The following ZC3H18 variants were observed in gnomAD, a reference collection of about 807,000 sequenced individuals.
ZC3H18 encodes zinc finger CCCH-type containing 18, also known as zinc finger CCCH domain-containing protein 18.
Under a neutral mutation model 106.1 loss-of-function variants are expected in ZC3H18, and 8 were observed. That is an observed-to-expected ratio of 0.08 (90% CI 0.04 to 0.14). The LOEUF (loss-of-function observed/expected upper bound fraction) is 0.14, where lower values mean the gene tolerates loss of function less well. Among genes scored for constraint, ZC3H18 ranks in the 10% least tolerant of loss-of-function variants. The pLI, the probability that ZC3H18 is intolerant of heterozygous loss-of-function variation, is 1.00. For synonymous variants in ZC3H18, 635 were observed against 522.1 expected (o/e 1.22, Z -2.95); for missense variants, 1,318 against 1,278.4 (o/e 1.03, Z -0.47).
Position 88,627,497 on chromosome 16 carries a change from AT to A in ZC3H18, c.2109-124del. The A allele has an allele frequency of 7.4e-7, 1 of 1,354,670 alleles. No individual in the cohort carries two copies. Among genetic ancestry groups the A allele is most frequent in the Non-Finnish European group, 1.0e-6 (1 of 1,001,756 alleles). 83.9% of individuals were successfully genotyped at this position (1,354,670 alleles called of 1,614,324 possible). A position where few individuals can be genotyped will look rare whatever the true frequency, so the allele number is the denominator to read the frequency against. On this transcript the variant is annotated intron_variant, in intron 13 of 17. Transcript: ENST00000301011. This position sits in a 1 kb window ranked among gnomAD's most constrained non-coding sequence, Gnocchi z 4.5. ...TGAAACTGCCCAGTGTCCCCCCAAA[AT>A]CACACATTCCGTGGGTACATGATCC... is the stretch of plus-strand genomic sequence containing the variant.
intron 8 of ZC3H18, among the ~76,000 whole-genome samples, chr16:88,620,463 C>G (rs901597035): frequency 2.1e-4 from 32 of 152,152 alleles, no homozygotes; most frequent in African/African-American, 6.5e-4. Flanking sequence ...CACCTGCAGT[C>G]CTGGCTACTC....
chr16:88,616,594 T>C (rs1173309731), intron 8 of ZC3H18, among the ~76,000 whole-genome samples: 1 of 152,176 alleles, frequency 6.6e-6, no homozygotes, highest in Non-Finnish European at 1.5e-5. Flanking sequence ...TGCTTCCTTC[T>C]CCCTTATCAG....
Position 88,627,617 on chromosome 16 carries a change from T to C in ZC3H18, c.2109-5T>C, listed in dbSNP as rs1443673118. ...GGGTGTGGTGAGATGTGCTTGTGTG[T>C]CCAGGTCCCTGAGCGTGAGCAGCGT... On this transcript the variant is annotated splice_region_variant and splice_polypyrimidine_tract_variant and intron_variant, in intron 13 of 17. Coordinates refer to ENST00000301011, the MANE Select transcript of ZC3H18 (RefSeq NM_144604.4). The surrounding 1 kb of genome is among the most constrained non-coding windows in gnomAD (Gnocchi z 4.5). 1 of 1,598,122 alleles carries C rather than the reference T, an allele frequency of 6.3e-7. No individual in the cohort carries two copies. The highest frequency in any genetic ancestry group is 8.6e-7 in the Non-Finnish European group (1 of 1,167,988).
intron 3 of ZC3H18, among the ~76,000 whole-genome samples, chr16:88,588,405 G>A (rs552312430): frequency 6.6e-6 from 1 of 152,352 alleles, no homozygotes; most frequent in South Asian, 2.1e-4. Flanking sequence ...CCAGGGCAGG[G>A]AGACTCTGGA....
At chr16:88,624,200 A>C (rs55976122) in intron 11 of ZC3H18, 138 bp downstream of exon 11, 95,516 of 1,233,964 alleles carry the variant, frequency 0.077, 4,279 homozygotes, top group African/African-American at 0.14. Context: ...CCAGGGGGTG[A>C]CTGGGCTGGG....
At chr16:88,579,639 G>A (rs1329704767) in intron 2 of ZC3H18, among the ~76,000 whole-genome samples, 14 of 152,156 alleles carry the variant, frequency 9.2e-5, no homozygotes, top group Non-Finnish European at 2.1e-4. Flanking sequence ...ACAGCACATG[G>A]AAGAAAAACC....
At chr16:88,620,520 G>C (rs1905889795) in intron 8 of ZC3H18, among the ~76,000 whole-genome samples, 1 of 151,660 alleles carries the variant, frequency 6.6e-6, no homozygotes, top group African/African-American at 2.4e-5. Context: ...GCTCAAGGCT[G>C]CAGTGATTAT....
Position 88,599,796 on chromosome 16 carries a change from A to T in ZC3H18, c.936A>T (p.Leu312Phe). The change falls in exon 6 of 18, where the codon TTA (leucine) becomes TTT (phenylalanine). Residue 312 changes from leucine to phenylalanine, a missense_variant. By Grantham distance (22) the Leu-to-Phe change is conservative. Coordinates refer to ENST00000301011, the MANE Select transcript of ZC3H18 (RefSeq NM_144604.4). ...CTTTCTTCTTACAATGGTAGGTTTTAAAAAAAGCAACTATTCGAAAAGAAC... is the reference window on the plus strand; with the variant it reads ...CTTTCTTCTTACAATGGTAGGTTTTTAAAAAAGCAACTATTCGAAAAGAAC... ...ERGLRHAKEV[L>F]KKATIRKEQE... is the part of the protein sequence containing the mutation. 1.9e-6 allele frequency: 3 copies of T among 1,606,856 alleles called. No homozygotes were observed. The highest frequency in any genetic ancestry group is 1.1e-5 in the South Asian group (1 of 89,866).
At chr16:88,599,403 C>T (rs1420893070) in intron 5 of ZC3H18, among the ~76,000 whole-genome samples, 2 of 152,164 alleles carry the variant, frequency 1.3e-5, no homozygotes, top group Non-Finnish European at 2.9e-5. Flanking sequence ...GGTCAGCCTC[C>T]CTGCTGGGAA....
chr16:88,611,590 C>T (rs998745879), intron 8 of ZC3H18, 54 bp downstream of exon 8: 9 of 1,528,086 alleles, frequency 5.9e-6, no homozygotes, highest in Non-Finnish European at 7.9e-6. Flanking sequence ...GCATGCAGCT[C>T]TGTACCTAGT....
chr16:88,631,449 G>A lies in ZC3H18; in HGVS notation c.*150G>A, dbSNP rs1039021976. ...TCTCAGCTGGAAAAGAAGCCACACA[G>A]GAAATGACAACGACGCTGAATCCCA... On this transcript the variant is annotated 3_prime_UTR_variant, in exon 18 of 18. Transcript: ENST00000301011. The A allele has an allele frequency of 1.9e-5, 21 of 1,115,584 alleles. No individual in the cohort carries two copies. The African/African-American group carries it at 2.4e-4, about 13-fold the overall frequency. 69.1% of individuals were successfully genotyped at this position (1,115,584 alleles called of 1,614,324 possible). A position where few individuals can be genotyped will look rare whatever the true frequency, so the allele number is the denominator to read the frequency against.
intron 8 of ZC3H18, among the ~76,000 whole-genome samples, chr16:88,620,789 G>C (rs559390885): frequency 3.3e-5 from 5 of 151,990 alleles, no homozygotes; most frequent in Admixed American, 6.6e-5. Flanking sequence ...TAATTCCATT[G>C]CTCAGGAGTT....
intron 2 of ZC3H18, among the ~76,000 whole-genome samples, chr16:88,583,562 TCC>T (rs1915264241): frequency 6.6e-6 from 1 of 152,212 alleles, no homozygotes; most frequent in Non-Finnish European, 1.5e-5. Context: ...CTGGGCCTTT[TCC>T]CCCACTGCAT....
intron 1 of ZC3H18, among the ~76,000 whole-genome samples, chr16:88,572,570 G>A (rs1914479435): frequency 6.6e-6 from 1 of 152,006 alleles, no homozygotes. Context: ...TCACCCATCT[G>A]GTGGATCAGA....
chr16:88,616,440 C>T lies in ZC3H18; in HGVS notation c.1475+4904C>T, dbSNP rs1471370765. On this transcript the variant is annotated intron_variant, in intron 8 of 17. Transcript: ENST00000301011. The stretch of plus-strand genomic sequence containing the variant: ...AGCAGGGCTGACGTTCTCTGCGTCG[C>T]TTGCCTGGATTCATTCAGCCGGCTT... Among the ~76,000 whole-genome samples, 11 of 152,328 alleles carry T rather than the reference C, an allele frequency of 7.2e-5. No individual in the cohort carries two copies. In the East Asian group the frequency reaches 1.9e-3, roughly 27 times the overall value.
At chr16:88,581,754 C>T (rs1314794849) in intron 2 of ZC3H18, among the ~76,000 whole-genome samples, 1 of 152,224 alleles carries the variant, frequency 6.6e-6, no homozygotes, top group Non-Finnish European at 1.5e-5. Context: ...CTGACCCACT[C>T]ATGCCATGTG....
chr16:88,611,854 T>G (rs1212875175), intron 8 of ZC3H18, among the ~76,000 whole-genome samples: 1 of 152,194 alleles, frequency 6.6e-6, no homozygotes, highest in Non-Finnish European at 1.5e-5. Flanking sequence ...TGCCCTTGTA[T>G]ACCACGCACG....
intron 8 of ZC3H18, among the ~76,000 whole-genome samples, chr16:88,612,054 G>A (rs559199310): frequency 1.9e-4 from 29 of 152,274 alleles, no homozygotes; most frequent in African/African-American, 7.0e-4. Context: ...TTTCCTTTGC[G>A]GAGTGGGTGC....
Position 88,630,521 on chromosome 16 carries a change from C to T in ZC3H18, c.2603C>T (p.Ser868Phe), listed in dbSNP as rs1217591622. 6.2e-7 allele frequency: 1 copy of T among 1,613,326 alleles called. No individual in the cohort carries two copies. The highest frequency in any genetic ancestry group is 1.7e-5 in the Admixed American group (1 of 59,982). ...RDRKSGGRLG[S>F]PKPERQRGQN... ...CGGAAGTCAGGTGGGAGACTGGGCT[C>T]CCCGAAGCCAGAGCGGCAGAGAGGC... The change falls in exon 17 of 18, where the codon TCC becomes TTC. Residue 868 changes from serine (S) to phenylalanine (F), a missense_variant. Transcript: ENST00000301011.
Sources: gnomAD v4.1 joint callset for allele counts (sites outside exome capture counted in the v4.1 genomes callset) on GRCh38, gnomAD v4.1.1 for gene constraint, Gnocchi (gnomAD v3.1) non-coding constraint, MANE v1.5 for transcripts, NCBI Gene and HGNC (gene_info 2026-07-23, HGNC 2026-07-21) for gene names.